Variants in CSMD2 observed in about 807,000 individuals in gnomAD.
CSMD2 encodes the protein CUB and sushi domain-containing protein 2.
A neutral mutation model predicts 398.5 loss-of-function variants in CSMD2; 130 were observed. That is an observed-to-expected ratio of 0.33 (90% CI 0.28 to 0.38). The LOEUF (loss-of-function observed/expected upper bound fraction) is 0.38. Among genes scored for constraint, CSMD2 ranks in the 10% least tolerant of loss-of-function variants. The probability of loss-of-function intolerance (pLI) is 1.00; values close to 1 mark genes in which losing one functional copy is unlikely to be tolerated. For synonymous variants in CSMD2, 1,828 were observed against 1,908.5 expected (o/e 0.96, Z 1.10); for missense variants, 3,829 against 4,764.9 (o/e 0.80, Z 5.78).
At chr1:33,966,313 T>C (rs539761351) in intron 3 of CSMD2, among the ~76,000 whole-genome samples, 29 of 152,336 alleles carry the variant, frequency 1.9e-4, no homozygotes, top group African/African-American at 6.7e-4. Context: ...TCTGCCCTGA[T>C]GGTTGCAAAT....
At position 34,060,317 on chromosome 1, in the gene CSMD2, T is replaced by C. The variant is rs1273743713; in HGVS notation, c.405-27611A>G. Among the ~76,000 whole-genome samples, 6 of 152,230 alleles carry C rather than the reference T, an allele frequency of 3.9e-5. No homozygotes were observed. In the East Asian group the frequency reaches 1.2e-3, roughly 29 times the overall value. On this transcript the variant is annotated intron_variant, in intron 2 of 70. Coordinates refer to ENST00000373381, the MANE Select transcript of CSMD2 (RefSeq NM_001281956.2). ...GTGTGTGAGGGTGTGTTATCAGTGGTTCTTTCTGGGTGCCAACATGACAGC... is the reference window on the plus strand; with the variant it reads ...GTGTGTGAGGGTGTGTTATCAGTGGCTCTTTCTGGGTGCCAACATGACAGC...
chr1:33,746,864 C>G (rs892822787), intron 13 of CSMD2, among the ~76,000 whole-genome samples: 8 of 152,234 alleles, frequency 5.3e-5, no homozygotes, highest in African/African-American at 1.9e-4. Flanking sequence ...CCTCGACCAA[C>G]AGATTGACCA....
intron 1 of CSMD2, among the ~76,000 whole-genome samples, chr1:34,148,880 A>G (rs988260026): frequency 1.2e-4 from 19 of 152,184 alleles, no homozygotes; most frequent in African/African-American, 4.6e-4. Context: ...ATTTAGGTGC[A>G]GTAGGTGGCG....
At chr1:33,871,593 T>C (rs1640468104) in intron 5 of CSMD2, among the ~76,000 whole-genome samples, 1 of 152,160 alleles carries the variant, frequency 6.6e-6, no homozygotes, top group Non-Finnish European at 1.5e-5. Flanking sequence ...ACTGAGCATG[T>C]TGATGTGCCT....
At chr1:33,589,286 C>G (rs1473016439) in intron 44 of CSMD2, among the ~76,000 whole-genome samples, 1 of 152,146 alleles carries the variant, frequency 6.6e-6, no homozygotes, top group Non-Finnish European at 1.5e-5. Context: ...GCACTGGGTG[C>G]CATCATTCTT....
chr1:33,561,402 T>C (rs1376984906), intron 53 of CSMD2, among the ~76,000 whole-genome samples: 1 of 152,210 alleles, frequency 6.6e-6, no homozygotes, highest in Non-Finnish European at 1.5e-5. Context: ...CTTTGAGCCT[T>C]GGTTTCTATA....
Position 33,625,093 on chromosome 1 carries a change from C to A in CSMD2, c.5458G>T (p.Gly1820Trp). The A allele has an allele frequency of 6.2e-7, 1 of 1,614,130 alleles. No individual in the cohort carries two copies. The highest frequency in any genetic ancestry group is 8.5e-7 in the Non-Finnish European group (1 of 1,180,022). The change falls in exon 34 of 71, where the codon GGG becomes TGG. Residue 1820 changes from glycine to tryptophan, a missense_variant. By Grantham distance (184) the Gly-to-Trp change is radical. This residue lies in a region of CSMD2 where 2,001 missense variants were observed against 2,567.1 expected (regional missense o/e 0.78). Coordinates refer to ENST00000373381, the MANE Select transcript of CSMD2 (RefSeq NM_001281956.2). ...GAGACATTCCATTGGGCCAAGGCCCCAGGCACAGGGAGGCACTCGATCTCT... is the reference window on the plus strand; with the variant it reads ...GAGACATTCCATTGGGCCAAGGCCCAAGGCACAGGGAGGCACTCGATCTCT... ...SPEIECLPVP[G>W]ALAQWNVSAP...
chr1:34,029,648 C>T (rs533063796), intron 3 of CSMD2, among the ~76,000 whole-genome samples: 3 of 152,214 alleles, frequency 2.0e-5, no homozygotes, highest in Admixed American at 2.0e-4. Context: ...TGTCTGACTC[C>T]TTTGTTAGCA....
At chr1:34,023,122 C>T (rs1178317793) in intron 3 of CSMD2, among the ~76,000 whole-genome samples, 1 of 152,166 alleles carries the variant, frequency 6.6e-6, no homozygotes, top group Non-Finnish European at 1.5e-5. Context: ...AGGTGTAAGC[C>T]ACCACACTCG....
At chr1:34,159,186 T>C (rs924636275) in intron 1 of CSMD2, among the ~76,000 whole-genome samples, 5 of 152,246 alleles carry the variant, frequency 3.3e-5, no homozygotes, top group African/African-American at 9.6e-5. Flanking sequence ...ATGAGACAGA[T>C]AACCACCTCA....
rs117548054 is a variant in CSMD2, at chr1:33,802,082, T to C, written c.1446+8661A>G. Among the ~76,000 whole-genome samples the C allele has an allele frequency of 3.3e-4, 50 of 152,262 alleles. No individual in the cohort carries two copies. In the East Asian group the frequency reaches 8.9e-3, roughly 27 times the overall value. The stretch of plus-strand genomic sequence containing the variant: ...GTCTCCAAGGCATTTCTGATGAAAT[T>C]TGGGAAAAATTATTGTAGGCAGATG... On this transcript the variant is annotated intron_variant, in intron 10 of 70. Coordinates refer to ENST00000373381, the MANE Select transcript of CSMD2 (RefSeq NM_001281956.2).
intron 56 of CSMD2, 123 bp downstream of exon 56, chr1:33,550,054 T>C: frequency 1.1e-6 from 1 of 944,198 alleles, no homozygotes; most frequent in East Asian, 2.5e-5. Context: ...TTAGGGTAGA[T>C]ATAAGGGTTC....
Position 33,569,582 on chromosome 1 carries a change from C to T in CSMD2, c.7958-35G>A, listed in dbSNP as rs750072932. On this transcript the variant is annotated intron_variant, in intron 51 of 70. Transcript: ENST00000373381. ...TCACAAGATGCTCAGTAAGCCAGCC[C>T]CAAGAGGAGGGACATGGCTGCTTCT... 1.9e-6 allele frequency: 3 copies of T among 1,600,782 alleles called. No homozygotes were observed. The African/African-American group carries it at 4.0e-5, about 21-fold the overall frequency.
intron 2 of CSMD2, among the ~76,000 whole-genome samples, chr1:34,060,423 A>G (rs1654341534): frequency 6.6e-6 from 1 of 152,204 alleles, no homozygotes; most frequent in Non-Finnish European, 1.5e-5. Context: ...TACTGAAAAC[A>G]TATATATCAA....
intron 3 of CSMD2, among the ~76,000 whole-genome samples, chr1:34,021,162 G>C (rs1648819989): frequency 6.6e-6 from 1 of 152,202 alleles, no homozygotes; most frequent in Admixed American, 6.5e-5. Flanking sequence ...ATGGCAAGAG[G>C]TGGGACTGAA....
chr1:34,133,380 C>T (rs1387063620), intron 1 of CSMD2, among the ~76,000 whole-genome samples: 2 of 152,180 alleles, frequency 1.3e-5, no homozygotes, highest in South Asian at 2.1e-4. Flanking sequence ...CCTGTAATCC[C>T]AGCACTCTGG....
intron 1 of CSMD2, among the ~76,000 whole-genome samples, chr1:34,111,495 A>T (rs1194262383): frequency 1.3e-5 from 2 of 152,194 alleles, no homozygotes; most frequent in Non-Finnish European, 1.5e-5. Flanking sequence ...AGTAAGCAGG[A>T]AGTTGAAGGA....
chr1:33,929,432 C>CTTTTTTTTTTTTTTTT lies in CSMD2; in HGVS notation c.712+6312_712+6327dup, dbSNP rs936900076. Among the ~76,000 whole-genome samples the CTTTTTTTTTTTTTTTT allele has an allele frequency of 2.3e-4, 23 of 100,664 alleles. 3 individuals carry two copies. The highest frequency in any genetic ancestry group is 8.4e-4 in the African/African-American group (19 of 22,548). 66.0% of individuals were successfully genotyped at this position (100,664 alleles called of 152,430 possible). On this transcript the variant is annotated intron_variant, in intron 4 of 70. Transcript: ENST00000373381. ...TCCTGAACTCAGAACCAAGCCTATA[C>CTTTTTTTTTTTTTTTT]TTTTTTTTTTTTTTTTTTTTTTTGA...
chr1:33,642,484 T>G (rs1187323009), intron 29 of CSMD2, among the ~76,000 whole-genome samples: 6 of 151,308 alleles, frequency 4.0e-5, no homozygotes, highest in Non-Finnish European at 8.8e-5. Flanking sequence ...GAGGGGAGAA[T>G]GTAGCAAGTG....
Sources: allele counts gnomAD v4.1 joint callset (sites outside exome capture counted in the v4.1 genomes callset), GRCh38; gene constraint gnomAD v4.1.1; regional missense constraint gnomAD v4.1.1; transcripts MANE v1.5; gene names NCBI Gene and HGNC (gene_info 2026-07-23, HGNC 2026-07-21).